Variants in CAMTA2 observed in about 807,000 individuals in gnomAD.
CAMTA2 encodes the protein calmodulin binding transcription activator 2.
Under a neutral mutation model 135.7 loss-of-function variants are expected in CAMTA2, and 56 were observed. The observed-to-expected ratio is 0.41, with a 90% CI of 0.33 to 0.52. CAMTA2 has a LOEUF of 0.52. Among genes scored for constraint, CAMTA2 ranks in the 20% least tolerant of loss-of-function variants. The pLI, the probability that CAMTA2 is intolerant of heterozygous loss-of-function variation, is 0.16. For synonymous variants in CAMTA2, 591 were observed against 604.6 expected (o/e 0.98, Z 0.33); for missense variants, 1,358 against 1,553.4 (o/e 0.87, Z 2.11).
intron 12 of CAMTA2, 146 bp from the exon 13 acceptor site, chr17:4,973,915 C>T: frequency 3.1e-6 from 2 of 650,714 alleles, no homozygotes; most frequent in Non-Finnish European, 5.2e-6. Context: ...AGTTGAAGTT[C>T]CTCTGTGGCC....
At position 4,987,624 on chromosome 17, in the gene CAMTA2, G is replaced by T; in HGVS notation, c.-96C>A. 2 of 1,527,690 alleles carry T rather than the reference G, an allele frequency of 1.3e-6. No homozygotes were observed. Among genetic ancestry groups the T allele is most frequent in the South Asian group, 2.4e-5 (2 of 82,946 alleles). The allele number at this position is 1,527,690 out of a possible 1,614,324, so 94.6% of individuals were successfully genotyped here. A position where few individuals can be genotyped will look rare whatever the true frequency, so the allele number is the denominator to read the frequency against. On this transcript the variant is annotated 5_prime_UTR_variant, in exon 1 of 23. Transcript: ENST00000348066. ...GGGTCCCGCGGGTGACGGCGGCAGC[G>T]GCCATTCTACCCCACACCGACCCCC...
At chr17:4,971,425 C>T (rs1004236085) in intron 16 of CAMTA2, among the ~76,000 whole-genome samples, 22 of 152,138 alleles carry the variant, frequency 1.4e-4, no homozygotes, top group African/African-American at 5.3e-4. Flanking sequence ...CTCACTGCAA[C>T]CTCATATTCC....
intron 9 of CAMTA2, chr17:4,979,370 C>T (rs1287783887): frequency 3.1e-5 from 6 of 191,054 alleles, no homozygotes; most frequent in South Asian, 1.3e-4. Context: ...ATTAGCCGGG[C>T]GTGGTGGCGG....
chr17:4,987,460 A>G, intron 1 of CAMTA2, 133 bp downstream of exon 1: 1 of 1,378,782 alleles, frequency 7.3e-7, no homozygotes, highest in Non-Finnish European at 9.4e-7. Context: ...GGGGAGGAGG[A>G]CGGAAGCGGG....
Position 4,979,903 on chromosome 17 carries a change from A to AGGTGAGGGTGGG in CAMTA2, c.1407_1418dup (p.Pro470_Pro473dup). ...CCCTGCTTGACGGCTCCAAGGGGGC[A>AGGTGAGGGTGGG]GGTGAGGGTGGGGGTGAGGGAGGGG... On this transcript the variant is annotated inframe_insertion, in exon 9 of 23. Coordinates refer to ENST00000348066, the MANE Select transcript of CAMTA2 (RefSeq NM_015099.4). 1 of 1,082,838 alleles carries AGGTGAGGGTGGG rather than the reference A, an allele frequency of 9.2e-7. No individual in the cohort carries two copies. The highest frequency in any genetic ancestry group is 1.3e-6 in the Non-Finnish European group (1 of 785,654). The allele number at this position is 1,082,838 out of a possible 1,614,324, so 67.1% of individuals were successfully genotyped here.
intron 1 of CAMTA2, chr17:4,987,129 G>C: frequency 7.3e-7 from 1 of 1,361,144 alleles, no homozygotes; most frequent in South Asian, 1.8e-5. Flanking sequence ...CTCCGCCCCA[G>C]GGCGCAGGTG....
chr17:4,969,172 C>T lies in CAMTA2; in HGVS notation c.3448G>A (p.Ala1150Thr). The T allele has an allele frequency of 1.2e-6, 2 of 1,608,532 alleles. No homozygotes were observed. Among genetic ancestry groups the T allele is most frequent in the Non-Finnish European group, 1.7e-6 (2 of 1,178,678 alleles). ...TACTTGTTGCGGGCAGGCAGGGTGGCCGAAGTCCGGTGGGGAGGGCCGGGC... is the reference window on the plus strand; with the variant it reads ...TACTTGTTGCGGGCAGGCAGGGTGGTCGAAGTCCGGTGGGGAGGGCCGGGC... ...RRPGPPHRTSATLPARNKGSF... is the reference protein window; with the variant it reads ...RRPGPPHRTSTTLPARNKGSF... Residue 1150 changes from alanine to threonine, a missense_variant, in exon 21 of 23, where the codon GCC (alanine) becomes ACC (threonine). Transcript: ENST00000348066. The surrounding 1 kb of genome is among the most constrained non-coding windows in gnomAD (Gnocchi z 5.6).
chr17:4,987,064 G>A (rs1190182760), intron 1 of CAMTA2: 3 of 1,401,142 alleles, frequency 2.1e-6, no homozygotes, highest in Admixed American at 6.7e-5. Flanking sequence ...GATGGAGATG[G>A]GAGGAGGCCC....
At chr17:4,976,470 G>C (rs111922906) in intron 11 of CAMTA2, among the ~76,000 whole-genome samples, 1 of 152,208 alleles carries the variant, frequency 6.6e-6, no homozygotes, top group Non-Finnish European at 1.5e-5. Flanking sequence ...AGACCAAGGC[G>C]GGGTGGATTG....
At chr17:4,981,547 G>A (rs932230475) in intron 7 of CAMTA2, 131 bp downstream of exon 7, 35 of 1,288,480 alleles carry the variant, frequency 2.7e-5, no homozygotes, top group South Asian at 7.2e-5. Flanking sequence ...AGAACACACC[G>A]GGAATCCTAG....
Position 4,968,043 on chromosome 17 carries a change from A to G in CAMTA2, c.*713T>C. The G allele has an allele frequency of 1.8e-6, 1 of 546,456 alleles. No homozygotes were observed. Among genetic ancestry groups the G allele is most frequent in the East Asian group, 3.1e-5 (1 of 32,574 alleles). 33.9% of individuals were successfully genotyped at this position (546,456 alleles called of 1,614,324 possible). A position where few individuals can be genotyped will look rare whatever the true frequency, so the allele number is the denominator to read the frequency against. ...CAATTCGTATAAACCAAGCCCATGC[A>G]CAAGTAGAAAGTGCCCGTGGAGCCG... On this transcript the variant is annotated 3_prime_UTR_variant, in exon 23 of 23. Coordinates refer to ENST00000348066, the MANE Select transcript of CAMTA2 (RefSeq NM_015099.4).
At position 4,969,149 on chromosome 17, in the gene CAMTA2, C is replaced by T; in HGVS notation, c.3470+1G>A. 6.2e-7 allele frequency: 1 copy of T among 1,605,026 alleles called. No homozygotes were observed. The highest frequency in any genetic ancestry group is 1.1e-5 in the South Asian group (1 of 90,376). ...CACAGAGGGCTGGGGCTGGGCCCTA[C>T]TTGTTGCGGGCAGGCAGGGTGGCCG... On this transcript the variant is annotated splice_donor_variant, in intron 21 of 22. Transcript: ENST00000348066. LOFTEE classifies it high-confidence loss of function. This position sits in a 1 kb window ranked among gnomAD's most constrained non-coding sequence, Gnocchi z 5.6.
chr17:4,980,160 G>A lies in CAMTA2; in HGVS notation c.1162C>T (p.Gln388Ter). The A allele has an allele frequency of 6.3e-7, 1 of 1,583,454 alleles. No homozygotes were observed. Among genetic ancestry groups the A allele is most frequent in the Non-Finnish European group, 8.6e-7 (1 of 1,164,522 alleles). The change falls in exon 9 of 23, where the codon CAG (glutamine) becomes TAG (stop). Residue 388 changes from glutamine (Q) to a stop codon, truncating the protein, a stop_gained. Coordinates refer to ENST00000348066, the MANE Select transcript of CAMTA2 (RefSeq NM_015099.4). LOFTEE classifies it high-confidence loss of function. This position sits in a 1 kb window ranked among gnomAD's most constrained non-coding sequence, Gnocchi z 5.3. Reference sequence around the variant, plus strand: ...ACTCCCTGCCCCCCTCCATATGTCTGGCCCCTCTGGGGGCTGTTGAGAAAA... The same window carrying A: ...ACTCCCTGCCCCCCTCCATATGTCTAGCCCCTCTGGGGGCTGTTGAGAAAA... The part of the protein sequence containing the change: ...DRFLNSPQRG[Q>*]TYGGGQGVSP...
intron 7 of CAMTA2, 132 bp downstream of exon 7, chr17:4,981,546 C>CGGGA: frequency 7.8e-7 from 1 of 1,288,206 alleles, no homozygotes; most frequent in African/African-American, 1.5e-5. Flanking sequence ...GAGAACACAC[C>CGGGA]GGGAATCCTA....
At chr17:4,971,313 C>T (rs142843172) in intron 16 of CAMTA2, among the ~76,000 whole-genome samples, 48 of 152,284 alleles carry the variant, frequency 3.2e-4, no homozygotes, top group African/African-American at 1.0e-3. Context: ...CATAGATCAA[C>T]GGTTAACTCC....
rs1354210182 is a variant in CAMTA2, at chr17:4,969,364, G to A, written c.3283-27C>T. The A allele has an allele frequency of 3.1e-6, 5 of 1,612,532 alleles. No homozygotes were observed. Among genetic ancestry groups the A allele is most frequent in the South Asian group, 2.2e-5 (2 of 91,034 alleles). ...TGCAGGGGTGGGGAGGAGGGACAGG[G>A]GCTGAAATAGAGGGACGGAGACCCA... On this transcript the variant is annotated intron_variant, in intron 20 of 22. Transcript: ENST00000348066. The surrounding 1 kb of genome is among the most constrained non-coding windows in gnomAD (Gnocchi z 5.6).
chr17:4,973,626 G>A lies in CAMTA2; in HGVS notation c.2160C>T (p.Ala720=). Residue 720 remains alanine (A), a synonymous_variant, in exon 13 of 23, where the codon GCC becomes GCT. Transcript: ENST00000348066. The part of the protein sequence containing the change: ...RGMSLLHLAA[A]QGYARLIETL... ...TCTCGATGAGGCGGGCATAGCCCTG[G>A]GCAGCAGCCAGGTGCAGAAGGCTCA... The A allele has an allele frequency of 1.2e-6, 2 of 1,613,862 alleles. No homozygotes were observed. The highest frequency in any genetic ancestry group is 2.2e-5 in the East Asian group (1 of 44,876).
chr17:4,969,096 G>A lies in CAMTA2; in HGVS notation c.3470+54C>T. The A allele has an allele frequency of 1.9e-6, 3 of 1,583,532 alleles. No homozygotes were observed. The highest frequency in any genetic ancestry group is 2.6e-6 in the Non-Finnish European group (3 of 1,160,744). The stretch of plus-strand genomic sequence containing the variant: ...CATGATGATCAAGAGGATGAGTAAG[G>A]GGGAATGGCGTGGATGCAGTGGGTG... On this transcript the variant is annotated intron_variant, in intron 21 of 22. Transcript: ENST00000348066. The surrounding 1 kb of genome is among the most constrained non-coding windows in gnomAD (Gnocchi z 5.6).
intron 3 of CAMTA2, among the ~76,000 whole-genome samples, chr17:4,984,653 A>G (rs1810573447): frequency 6.6e-6 from 1 of 152,254 alleles, no homozygotes; most frequent in African/African-American, 2.4e-5. Flanking sequence ...GGCAGTAAGT[A>G]TGCAGAATAC....
Sources: allele counts gnomAD v4.1 joint callset (sites outside exome capture counted in the v4.1 genomes callset), GRCh38; gene constraint gnomAD v4.1.1; non-coding constraint Gnocchi (gnomAD v3.1); transcripts MANE v1.5; gene names NCBI Gene and HGNC (gene_info 2026-07-23, HGNC 2026-07-21).